The following PLPPR5 variants were observed in gnomAD, a reference collection of about 807,000 sequenced individuals.
PLPPR5 encodes phospholipid phosphatase related 5.
Under a neutral mutation model 33.9 loss-of-function variants are expected in PLPPR5, and 16 were observed. The observed-to-expected ratio is 0.47, with a 90% CI of 0.32 to 0.72. PLPPR5 has a LOEUF of 0.72. Ranked by LOEUF, PLPPR5 falls within the 30% of genes least tolerant of loss-of-function variation. The pLI, the probability that PLPPR5 is intolerant of heterozygous loss-of-function variation, is 0.03. For synonymous variants in PLPPR5, 163 were observed against 150.3 expected (o/e 1.08, Z -0.62); for missense variants, 301 against 406.7 (o/e 0.74, Z 2.23).
intron 3 of PLPPR5, among the ~76,000 whole-genome samples, chr1:98,944,027 A>C (rs1251388431): frequency 1.3e-5 from 2 of 152,224 alleles, no homozygotes; most frequent in Admixed American, 1.3e-4. Context: ...GATGTCCCCC[A>C]GTTTAGTCAT....
chr1:98,942,321 G>A (rs1333610856), intron 3 of PLPPR5, among the ~76,000 whole-genome samples: 1 of 152,130 alleles, frequency 6.6e-6, no homozygotes, highest in African/African-American at 2.4e-5. Flanking sequence ...GGGATTACAG[G>A]CATGAGCCAC....
chr1:98,950,287 A>G (rs1039327319), intron 3 of PLPPR5, among the ~76,000 whole-genome samples: 27 of 152,232 alleles, frequency 1.8e-4, no homozygotes, highest in Admixed American at 6.5e-5. Context: ...AATAAATAAT[A>G]ATGATAAATA....
At chr1:98,974,770 T>A (rs1651786350) in intron 1 of PLPPR5, among the ~76,000 whole-genome samples, 1 of 152,094 alleles carries the variant, frequency 6.6e-6, no homozygotes, top group South Asian at 2.1e-4. Context: ...GATGTATGCA[T>A]TATTCCTGAA....
intron 2 of PLPPR5, among the ~76,000 whole-genome samples, chr1:98,955,690 T>A (rs115918571): frequency 0.02 from 2,979 of 152,190 alleles, 50 homozygotes; most frequent in South Asian, 0.049. Context: ...ATGCATAATA[T>A]CTTCAAAGTC....
At chr1:98,925,125 C>T (rs1339753269) in intron 3 of PLPPR5, among the ~76,000 whole-genome samples, 1 of 152,114 alleles carries the variant, frequency 6.6e-6, no homozygotes, top group Non-Finnish European at 1.5e-5. Flanking sequence ...TCTTAATTTG[C>T]AGAAAAGGAA....
intron 1 of PLPPR5, among the ~76,000 whole-genome samples, chr1:98,972,955 T>C (rs1651708672): frequency 6.6e-6 from 1 of 152,002 alleles, no homozygotes; most frequent in African/African-American, 2.4e-5. Flanking sequence ...TGTTTGGATG[T>C]GAAGTTTAGA....
At chr1:98,947,425 G>C (rs931602115) in intron 3 of PLPPR5, among the ~76,000 whole-genome samples, 2 of 152,164 alleles carry the variant, frequency 1.3e-5, no homozygotes, top group Admixed American at 1.3e-4. Flanking sequence ...TAAGGATGCA[G>C]AGTATCTCTA....
intron 5 of PLPPR5, among the ~76,000 whole-genome samples, chr1:98,904,605 T>C (rs541607941): frequency 8.2e-4 from 125 of 152,282 alleles, no homozygotes; most frequent in Non-Finnish European, 1.5e-3. Context: ...TCATATATTA[T>C]CTCCATGTGC....
intron 1 of PLPPR5, among the ~76,000 whole-genome samples, chr1:98,993,020 C>T (rs1319803572): frequency 6.6e-6 from 1 of 152,042 alleles, no homozygotes. Context: ...GCTGAAATAA[C>T]AATAGGGTCT....
intron 4 of PLPPR5, among the ~76,000 whole-genome samples, chr1:98,917,314 C>T (rs887410445): frequency 1.2e-4 from 18 of 152,170 alleles, no homozygotes; most frequent in African/African-American, 4.1e-4. Context: ...ATTTTATCTC[C>T]TCCACCAACT....
At chr1:98,933,240 C>A (rs1440918764) in intron 3 of PLPPR5, among the ~76,000 whole-genome samples, 1 of 150,924 alleles carries the variant, frequency 6.6e-6, no homozygotes, top group Non-Finnish European at 1.5e-5. Flanking sequence ...AATCCCAGCA[C>A]TTTGGGAGGC....
chr1:98,970,804 T>C (rs1356889267), intron 1 of PLPPR5, among the ~76,000 whole-genome samples: 3 of 152,062 alleles, frequency 2.0e-5, no homozygotes, highest in African/African-American at 7.2e-5. Flanking sequence ...TAAGAGATTT[T>C]TGTAGGAATG....
chr1:98,913,900 C>G (rs1443134215), intron 5 of PLPPR5, among the ~76,000 whole-genome samples: 1 of 152,202 alleles, frequency 6.6e-6, no homozygotes, highest in African/African-American at 2.4e-5. Context: ...TTTCTGTGCT[C>G]ACTGCCATGC....
intron 3 of PLPPR5, among the ~76,000 whole-genome samples, chr1:98,946,690 C>T (rs904167716): frequency 6.6e-6 from 1 of 152,112 alleles, no homozygotes; most frequent in African/African-American, 2.4e-5. Flanking sequence ...GGGTGGGACT[C>T]ATCATTACCA....
At chr1:98,924,939 T>C (rs1305440472) in intron 3 of PLPPR5, among the ~76,000 whole-genome samples, 2 of 152,212 alleles carry the variant, frequency 1.3e-5, no homozygotes, top group Non-Finnish European at 2.9e-5. Context: ...TTAAAGTAGA[T>C]CATAGCAGTG....
chr1:98,949,557 C>T (rs554963953), intron 3 of PLPPR5, among the ~76,000 whole-genome samples: 1 of 152,102 alleles, frequency 6.6e-6, no homozygotes, highest in Non-Finnish European at 1.5e-5. Context: ...AGACCATTTC[C>T]ACAGAGGATA....
chr1:98,946,336 G>A (rs1650549342), intron 3 of PLPPR5, among the ~76,000 whole-genome samples: 1 of 152,152 alleles, frequency 6.6e-6, no homozygotes, highest in African/African-American at 2.4e-5. Context: ...CCATTCTGAA[G>A]CACTGCTTCT....
intron 1 of PLPPR5, among the ~76,000 whole-genome samples, chr1:98,968,384 A>G (rs536892621): frequency 3.3e-5 from 5 of 152,186 alleles, no homozygotes; most frequent in African/African-American, 1.2e-4. Flanking sequence ...TAAAATACCC[A>G]TTAGAATCAT....
chr1:98,971,047 G>A (rs1190786780), intron 1 of PLPPR5, among the ~76,000 whole-genome samples: 2 of 151,988 alleles, frequency 1.3e-5, no homozygotes, highest in East Asian at 1.9e-4. Context: ...TTATTCAAAC[G>A]AGGAGTAGAG....
Sources: allele counts gnomAD v4.1 joint callset (sites outside exome capture counted in the v4.1 genomes callset), GRCh38; gene constraint gnomAD v4.1.1; transcripts MANE v1.5; gene names NCBI Gene and HGNC (gene_info 2026-07-23, HGNC 2026-07-21).